Variants in CTIF observed in about 807,000 individuals in gnomAD.
CTIF encodes the protein CBP80/20-dependent translation initiation factor.
CTIF carries 21 observed loss-of-function variants against 66.0 expected under a neutral mutation model. The observed-to-expected ratio is 0.32, with a 90% CI of 0.23 to 0.46. The LOEUF is 0.46. CTIF is among the 20% of genes least tolerant of loss of function. CTIF has a pLI of 1.00. For synonymous variants in CTIF, 345 were observed against 326.4 expected, an observed-to-expected ratio of 1.06 and a Z score of -0.62; for missense variants, 739 against 812.7, an observed-to-expected ratio of 0.91 and a Z score of 1.10.
intron 6 of CTIF, among the ~76,000 whole-genome samples, chr18:48,704,113 G>A (rs905831405): frequency 1.3e-5 from 2 of 152,120 alleles, no homozygotes; most frequent in South Asian, 2.1e-4. Flanking sequence ...AGCACCACGG[G>A]GTCTATGGTA....
At chr18:48,649,394 G>C (rs1253954097) in intron 3 of CTIF, among the ~76,000 whole-genome samples, 2 of 152,264 alleles carry the variant, frequency 1.3e-5, no homozygotes, top group African/African-American at 2.4e-5. Context: ...GCAGCCTGGA[G>C]GGGGAGGGGC....
intron 3 of CTIF, among the ~76,000 whole-genome samples, chr18:48,656,837 A>G (rs1339113696): frequency 2.0e-5 from 3 of 152,140 alleles, no homozygotes; most frequent in South Asian, 4.1e-4. Context: ...TCAGGGCTGG[A>G]GAGGATGCTG....
intron 9 of CTIF, among the ~76,000 whole-genome samples, chr18:48,781,558 C>T (rs555310227): frequency 6.6e-6 from 1 of 152,204 alleles, no homozygotes; most frequent in Non-Finnish European, 1.5e-5. Flanking sequence ...TGGAGCCGGG[C>T]GGTCTGAGGC....
chr18:48,546,515 T>C (rs1486165303), intron 1 of CTIF, among the ~76,000 whole-genome samples: 1 of 152,200 alleles, frequency 6.6e-6, no homozygotes, highest in Non-Finnish European at 1.5e-5. Context: ...CTGTGTAAGC[T>C]GTAGCTAGCG....
intron 9 of CTIF, among the ~76,000 whole-genome samples, chr18:48,780,453 C>T (rs1911097665): frequency 6.6e-6 from 1 of 152,018 alleles, no homozygotes; most frequent in Admixed American, 6.6e-5. Context: ...TCTCGGTGTC[C>T]CGGTGTTAGT....
intron 1 of CTIF, among the ~76,000 whole-genome samples, chr18:48,547,584 C>A (rs1284264162): frequency 6.6e-6 from 1 of 152,220 alleles, no homozygotes; most frequent in Admixed American, 6.5e-5. Flanking sequence ...TATGTTATAG[C>A]TGGAAAGGCC....
intron 10 of CTIF, among the ~76,000 whole-genome samples, chr18:48,832,076 G>A (rs185280520): frequency 1.2e-3 from 176 of 152,112 alleles, no homozygotes; most frequent in African/African-American, 4.1e-3. Flanking sequence ...CAGCAAAGGG[G>A]CACCATGAAT....
At chr18:48,653,734 G>T (rs146158388) in intron 3 of CTIF, among the ~76,000 whole-genome samples, 1 of 152,158 alleles carries the variant, frequency 6.6e-6, no homozygotes, top group African/African-American at 2.4e-5. Context: ...TATGCTGCAA[G>T]GCTACAGTAA....
chr18:48,775,234 C>G (rs1459843298), intron 9 of CTIF, among the ~76,000 whole-genome samples: 3 of 152,256 alleles, frequency 2.0e-5, no homozygotes, highest in Admixed American at 2.0e-4. Flanking sequence ...ATCTCCTCCT[C>G]CTGCCTACTG....
chr18:48,826,779 C>A (rs1209756839), intron 10 of CTIF: 2 of 152,176 alleles, frequency 1.3e-5, no homozygotes, highest in African/African-American at 2.4e-5. Context: ...TATTGAACTG[C>A]GAAGTTTCCT....
intron 10 of CTIF, among the ~76,000 whole-genome samples, chr18:48,837,596 G>T (rs984096294): frequency 3.9e-5 from 6 of 152,102 alleles, no homozygotes; most frequent in African/African-American, 1.4e-4. Flanking sequence ...CATTTATGGA[G>T]CCTCTGCCAC....
rs867719915 is a variant in CTIF, at chr18:48,636,748, G to T, written c.252+63G>T. On this transcript the variant is annotated intron_variant, in intron 3 of 11. Transcript: ENST00000256413. ...TATGTCTTGTCTGCCTGGGTTCCTG[G>T]GCCGGCCCACAGTGGCTCCTGAGGA... 4 of 1,360,330 alleles carry T rather than the reference G, an allele frequency of 2.9e-6. No individual in the cohort carries two copies. In the African/African-American group the frequency reaches 4.4e-5, roughly 15 times the overall value. 84.3% of individuals were successfully genotyped at this position (1,360,330 alleles called of 1,614,324 possible).
chr18:48,755,164 T>C (rs1908230204), intron 7 of CTIF, among the ~76,000 whole-genome samples: 1 of 152,190 alleles, frequency 6.6e-6, no homozygotes, highest in Non-Finnish European at 1.5e-5. Flanking sequence ...GTTGTGAGAA[T>C]CAATTATTAT....
intron 9 of CTIF, among the ~76,000 whole-genome samples, chr18:48,787,506 T>C (rs1312173966): frequency 6.6e-6 from 1 of 152,170 alleles, no homozygotes; most frequent in African/African-American, 2.4e-5. Context: ...GCAGCCCAAC[T>C]CTAGGCCTCA....
At chr18:48,547,915 CT>C (rs999889373) in intron 1 of CTIF, among the ~76,000 whole-genome samples, 1 of 152,204 alleles carries the variant, frequency 6.6e-6, no homozygotes, top group African/African-American at 2.4e-5. Context: ...CTGCAAGTTC[CT>C]TCCTCCGACG....
chr18:48,754,620 C>T (rs1028537246), intron 7 of CTIF, among the ~76,000 whole-genome samples: 8 of 152,236 alleles, frequency 5.3e-5, no homozygotes, highest in African/African-American at 1.9e-4. Flanking sequence ...TTATTTTGAA[C>T]CTGTTAGTCT....
intron 1 of CTIF, among the ~76,000 whole-genome samples, chr18:48,582,329 C>T (rs1037027061): frequency 2.0e-5 from 3 of 151,968 alleles, no homozygotes; most frequent in Admixed American, 6.6e-5. Context: ...TGGACACACC[C>T]GTGGGAACAG....
chr18:48,819,375 C>T (rs1351952611), intron 10 of CTIF, among the ~76,000 whole-genome samples: 3 of 152,226 alleles, frequency 2.0e-5, no homozygotes, highest in East Asian at 1.9e-4. Context: ...GGACAACCCA[C>T]CTCGAGACAG....
intron 10 of CTIF, among the ~76,000 whole-genome samples, chr18:48,846,934 C>T (rs1208614772): frequency 6.6e-6 from 1 of 151,898 alleles, no homozygotes; most frequent in Non-Finnish European, 1.5e-5. Context: ...TAGGTAGTGG[C>T]CAATACAGAC....
Sources: allele counts gnomAD v4.1 joint callset (sites outside exome capture counted in the v4.1 genomes callset), GRCh38; gene constraint gnomAD v4.1.1; transcripts MANE v1.5; gene names NCBI Gene and HGNC (gene_info 2026-07-23, HGNC 2026-07-21).